CRACR2A: variants seen among roughly 807,000 people sequenced by gnomAD.
The protein encoded by CRACR2A is EF-hand calcium-binding domain-containing protein 4B.
CRACR2A carries 79 observed loss-of-function variants against 90.5 expected under a neutral mutation model. The ratio of observed to expected loss-of-function variants is 0.87; its 90% CI spans 0.73 to 1.05. The LOEUF (loss-of-function observed/expected upper bound fraction) is 1.05, where lower values mean the gene tolerates loss of function less well. Ranked by LOEUF, CRACR2A falls within the 50% of genes least tolerant of loss-of-function variation. The pLI, the probability that CRACR2A is intolerant of heterozygous loss-of-function variation, is 0.00. For synonymous variants in CRACR2A, 338 were observed against 356.7 expected (o/e 0.95, Z 0.59); for missense variants, 823 against 897.2 (o/e 0.92, Z 1.06).
intron 4 of CRACR2A, among the ~76,000 whole-genome samples, chr12:3,691,568 A>C (rs1006750572): frequency 6.6e-6 from 1 of 152,084 alleles, no homozygotes; most frequent in Non-Finnish European, 1.5e-5. Flanking sequence ...GCTGCCTTTA[A>C]CATTTTTTCT....
At chr12:3,749,067 C>T (rs932981481) in intron 1 of CRACR2A, among the ~76,000 whole-genome samples, 2 of 152,198 alleles carry the variant, frequency 1.3e-5, no homozygotes, top group African/African-American at 4.8e-5. Context: ...GCTGTGTGAC[C>T]ATAGACATGA....
intron 2 of CRACR2A, among the ~76,000 whole-genome samples, chr12:3,718,006 C>T (rs1946105497): frequency 6.6e-6 from 1 of 152,148 alleles, no homozygotes; most frequent in Admixed American, 6.5e-5. Flanking sequence ...GGGTTCAAGT[C>T]CCAGCTCTGC....
intron 13 of CRACR2A, chr12:3,640,835 C>G: frequency 7.7e-7 from 1 of 1,300,736 alleles, no homozygotes; most frequent in South Asian, 1.2e-5. Flanking sequence ...TGGTTTGTCT[C>G]TCAATGAGCA....
chr12:3,713,919 T>C (rs1309227486), intron 2 of CRACR2A, among the ~76,000 whole-genome samples: 2 of 152,136 alleles, frequency 1.3e-5, no homozygotes, highest in East Asian at 3.9e-4. Context: ...TGGAGAGCAA[T>C]TTTACAGAAT....
At chr12:3,752,146 C>T (rs982835845) in intron 1 of CRACR2A, among the ~76,000 whole-genome samples, 2 of 152,226 alleles carry the variant, frequency 1.3e-5, no homozygotes, top group African/African-American at 2.4e-5. Flanking sequence ...TTGGCTCTTT[C>T]TGTCCTCTTG....
chr12:3,648,617 A>C lies in CRACR2A; in HGVS notation c.1047-4T>G. The C allele has an allele frequency of 6.2e-7, 1 of 1,611,512 alleles. No individual in the cohort carries two copies. Among genetic ancestry groups the C allele is most frequent in the Non-Finnish European group, 8.5e-7 (1 of 1,178,104 alleles). On this transcript the variant is annotated splice_region_variant and splice_polypyrimidine_tract_variant and intron_variant, in intron 10 of 19. Transcript: ENST00000440314. ...CTCCGTCACACGGTACACTTCCCTG[A>C]GGAGGAGGCAAACACATGGCAGTGA...
chr12:3,617,071 G>A, intron 18 of CRACR2A, 41 bp from the exon 19 acceptor site: 3 of 1,477,648 alleles, frequency 2.0e-6, no homozygotes, highest in Non-Finnish European at 1.9e-6. Flanking sequence ...GTATTGGAGT[G>A]AGAGGGGATT....
chr12:3,727,393 T>C (rs981916266), intron 2 of CRACR2A: 1 of 152,158 alleles, frequency 6.6e-6, no homozygotes, highest in African/African-American at 2.4e-5. Flanking sequence ...TAAAACAGCT[T>C]TTATAAACAA....
chr12:3,626,202 G>A (rs756076141), intron 17 of CRACR2A, among the ~76,000 whole-genome samples: 3 of 147,740 alleles, frequency 2.0e-5, no homozygotes, highest in Non-Finnish European at 4.5e-5. Context: ...AAAGACAGAC[G>A]GGTGACCCAG....
chr12:3,704,032 A>G (rs1945876299), intron 3 of CRACR2A, among the ~76,000 whole-genome samples: 3 of 152,386 alleles, frequency 2.0e-5, no homozygotes, highest in Admixed American at 2.0e-4. Flanking sequence ...TTAGAAAGTC[A>G]AACAAGTGTT....
intron 3 of CRACR2A, among the ~76,000 whole-genome samples, chr12:3,708,536 T>G (rs571512152): frequency 1.6e-4 from 25 of 152,324 alleles, no homozygotes; most frequent in Non-Finnish European, 2.9e-4. Flanking sequence ...GCCATTCTCC[T>G]GCCTCAGCCT....
chr12:3,729,391 T>G (rs1282482339), intron 2 of CRACR2A: 1 of 152,200 alleles, frequency 6.6e-6, no homozygotes, highest in African/African-American at 2.4e-5. Context: ...GAGGCTTAAC[T>G]GTAAACCACT....
In CRACR2A at chr12:3,663,534, T is replaced by C. The variant is rs78299967; in HGVS notation, c.672-3880A>G. On this transcript the variant is annotated intron_variant, in intron 7 of 19. Coordinates refer to ENST00000440314, the MANE Select transcript of CRACR2A (RefSeq NM_001144958.2). ...AGAATGGCATCAAGACTTCAAGGAG[T>C]TGCCTTGGGTTCCGGTCAAGCCTCT... 3.4e-4 allele frequency among the ~76,000 whole-genome samples: 52 copies of C among 152,240 alleles called. 1 individual carries two copies. The East Asian group carries it at 9.3e-3, about 27-fold the overall frequency.
Position 3,673,438 on chromosome 12 carries a change from G to A in CRACR2A, c.671+8C>T. The A allele has an allele frequency of 6.2e-7, 1 of 1,608,902 alleles. No individual in the cohort carries two copies. Among genetic ancestry groups the A allele is most frequent in the Non-Finnish European group, 8.5e-7 (1 of 1,178,652 alleles). On this transcript the variant is annotated splice_region_variant and intron_variant, in intron 7 of 19. Coordinates refer to ENST00000440314, the MANE Select transcript of CRACR2A (RefSeq NM_001144958.2). ...GTTACAGAAAGCGGCTGACACTGGG[G>A]TACCCACCTTTTTAGGGCACACTCC...
chr12:3,621,012 C>T (rs941391488), intron 17 of CRACR2A, among the ~76,000 whole-genome samples: 3 of 152,082 alleles, frequency 2.0e-5, no homozygotes, highest in Admixed American at 6.5e-5. Flanking sequence ...GATACTTGTG[C>T]GAAGAGCTTT....
chr12:3,742,656 T>A (rs1300896672), intron 1 of CRACR2A, among the ~76,000 whole-genome samples: 1 of 152,220 alleles, frequency 6.6e-6, no homozygotes, highest in Admixed American at 6.5e-5. Flanking sequence ...GGCCAGAACG[T>A]CACTGGTTTA....
intron 3 of CRACR2A, among the ~76,000 whole-genome samples, chr12:3,708,965 G>C (rs1945971247): frequency 6.6e-6 from 1 of 152,140 alleles, no homozygotes; most frequent in African/African-American, 2.4e-5. Flanking sequence ...CTTTCTCTTG[G>C]ATTATGATGT....
Position 3,679,036 on chromosome 12 carries a change from G to T in CRACR2A, c.403C>A (p.Arg135Ser). The T allele has an allele frequency of 6.2e-7, 1 of 1,613,852 alleles. No individual in the cohort carries two copies. The change falls in exon 6 of 20, where the codon CGC becomes AGC. Residue 135 changes from arginine (R) to serine (S), a missense_variant. Coordinates refer to ENST00000440314, the MANE Select transcript of CRACR2A (RefSeq NM_001144958.2). ...GACAGATACACCTTCTCTTCATGGCGCTGGGCCACCTGTTCACCTGCATCT... is the reference window on the plus strand; with the variant it reads ...GACAGATACACCTTCTCTTCATGGCTCTGGGCCACCTGTTCACCTGCATCT... ...QEDAGEQVAQ[R>S]HEEKVYLSRG... is the part of the protein sequence containing the mutation.
At chr12:3,637,040 G>A (rs1944467468) in intron 14 of CRACR2A, among the ~76,000 whole-genome samples, 1 of 152,220 alleles carries the variant, frequency 6.6e-6, no homozygotes, top group Admixed American at 6.5e-5. Context: ...TCCGAGGCCT[G>A]GGTCCCAAAC....
Sources: gnomAD v4.1 joint callset for allele counts (sites outside exome capture counted in the v4.1 genomes callset) on GRCh38, gnomAD v4.1.1 for gene constraint, MANE v1.5 for transcripts, NCBI Gene and HGNC (gene_info 2026-07-23, HGNC 2026-07-21) for gene names.